Variants in LRRC63 observed in about 807,000 individuals in gnomAD.
LRRC63 encodes leucine rich repeat containing 63.
Under a neutral mutation model 49.5 loss-of-function variants are expected in LRRC63, and 40 were observed. The ratio of observed to expected loss-of-function variants is 0.81; its 90% CI spans 0.63 to 1.05. LRRC63 has a LOEUF of 1.05. Among genes scored for constraint, LRRC63 ranks in the 50% least tolerant of loss-of-function variants. The pLI, the probability that LRRC63 is intolerant of heterozygous loss-of-function variation, is 0.00. For missense variants in LRRC63, 636 were observed against 663.1 expected (o/e 0.96, Z 0.45); for synonymous variants, 191 against 221.1 (o/e 0.86, Z 1.21).
chr13:46,228,197 C>T lies in LRRC63; in HGVS notation c.763+8C>T. The T allele has an allele frequency of 9.8e-6, 15 of 1,523,592 alleles. No individual in the cohort carries two copies. The highest frequency in any genetic ancestry group is 1.3e-5 in the Non-Finnish European group (15 of 1,130,728). The allele number at this position is 1,523,592 out of a possible 1,614,324, so 94.4% of individuals were successfully genotyped here. The stretch of plus-strand genomic sequence containing the variant: ...ACAGGCAGTCTGTGATAGGTAAATA[C>T]AATCTGAACACGGTATAATTATAGA... On this transcript the variant is annotated splice_region_variant and intron_variant, in intron 3 of 9. Transcript: ENST00000595396.
At chr13:46,270,140 C>A (rs1203790305) in intron 9 of LRRC63, 2 of 705,582 alleles carry the variant, frequency 2.8e-6, no homozygotes, top group African/African-American at 1.7e-5. Flanking sequence ...ATACTTCACT[C>A]GCTGGTACAA....
chr13:46,243,367 A>G (rs2047118928), intron 5 of LRRC63, among the ~76,000 whole-genome samples: 2 of 152,342 alleles, frequency 1.3e-5, no homozygotes, highest in Admixed American at 6.5e-5. Flanking sequence ...AAAGGTAGTA[A>G]GAGAGGTAAA....
intron 2 of LRRC63, among the ~76,000 whole-genome samples, chr13:46,223,897 C>T (rs1432917439): frequency 6.6e-6 from 1 of 151,984 alleles, no homozygotes; most frequent in Non-Finnish European, 1.5e-5. Context: ...ACAAAAAAAA[C>T]CCACAGAAAT....
At chr13:46,238,213 T>A (rs1227166800) in intron 5 of LRRC63, among the ~76,000 whole-genome samples, 1 of 152,136 alleles carries the variant, frequency 6.6e-6, no homozygotes, top group Non-Finnish European at 1.5e-5. Context: ...GTGGGAGACA[T>A]CAACACTCCA....
intron 5 of LRRC63, among the ~76,000 whole-genome samples, chr13:46,241,042 A>C (rs1230260606): frequency 6.6e-6 from 1 of 152,224 alleles, no homozygotes; most frequent in Non-Finnish European, 1.5e-5. Context: ...GCCTAAGCAA[A>C]AAGAGAAAAG....
chr13:46,230,560 CA>C (rs2046720312), intron 4 of LRRC63, among the ~76,000 whole-genome samples: 2 of 151,920 alleles, frequency 1.3e-5, no homozygotes, highest in Admixed American at 6.6e-5. Context: ...TCCAAGAGCC[CA>C]AAAGCCGAAG....
At chr13:46,272,844 A>G (rs900792023) in intron 9 of LRRC63, among the ~76,000 whole-genome samples, 1 of 152,370 alleles carries the variant, frequency 6.6e-6, no homozygotes, top group South Asian at 2.1e-4. Flanking sequence ...TCCCACAGAC[A>G]CATACATACA....
At chr13:46,228,442 G>A (rs907010165) in intron 3 of LRRC63, among the ~76,000 whole-genome samples, 5 of 152,114 alleles carry the variant, frequency 3.3e-5, no homozygotes, top group Non-Finnish European at 7.4e-5. Context: ...TCAAAGGATC[G>A]GAAAAGCTAA....
At chr13:46,257,138 G>A (rs74069561) in intron 7 of LRRC63, among the ~76,000 whole-genome samples, 11,705 of 152,148 alleles carry the variant, frequency 0.077, 1,492 homozygotes, top group African/African-American at 0.27. Context: ...TTTTGAAGAT[G>A]GAGGAAGGGA....
chr13:46,237,947 C>T (rs2046950048), intron 5 of LRRC63, among the ~76,000 whole-genome samples: 1 of 151,866 alleles, frequency 6.6e-6, no homozygotes, highest in Non-Finnish European at 1.5e-5. Flanking sequence ...AAATCAGTAA[C>T]AAAAAACTTC....
intron 5 of LRRC63, among the ~76,000 whole-genome samples, chr13:46,238,312 T>C (rs971964085): frequency 6.6e-6 from 1 of 152,184 alleles, no homozygotes; most frequent in Non-Finnish European, 1.5e-5. Flanking sequence ...TACAGAACTC[T>C]ACCCCTAAAA....
intron 9 of LRRC63, among the ~76,000 whole-genome samples, chr13:46,272,971 C>G (rs868335420): frequency 3.3e-5 from 5 of 151,966 alleles, no homozygotes; most frequent in African/African-American, 1.2e-4. Flanking sequence ...GAGAGGAGTT[C>G]CAGTGATTGA....
At chr13:46,228,714 C>G (rs1293735351) in exon 4 of LRRC63, 2 of 1,542,650 alleles carry the variant, frequency 1.3e-6, no homozygotes, top group Admixed American at 2.0e-5. Context: ...CAAAGCAAAT[C>G]CCACCAAGAC....
intron 4 of LRRC63, 85 bp downstream of exon 4, chr13:46,228,818 T>C (rs1232828043): frequency 2.2e-6 from 2 of 929,486 alleles, no homozygotes; most frequent in Non-Finnish European, 3.3e-6. Flanking sequence ...TTTGTGTTTA[T>C]GTGTGTGATT....
At chr13:46,270,568 A>G (rs191062287) in intron 9 of LRRC63, 1 of 871,334 alleles carries the variant, frequency 1.1e-6, no homozygotes, top group Non-Finnish European at 2.0e-6. Flanking sequence ...TGACACAAAA[A>G]CGGTATGAAG....
intron 5 of LRRC63, among the ~76,000 whole-genome samples, chr13:46,239,382 C>A (rs2046991558): frequency 6.6e-6 from 1 of 151,938 alleles, no homozygotes; most frequent in African/African-American, 2.4e-5. Flanking sequence ...AAGTAGAAAA[C>A]CTAGAAGAGA....
At chr13:46,266,654 T>G (rs1718302192) in intron 8 of LRRC63, 79 bp from the exon 9 acceptor site, 1 of 1,239,858 alleles carries the variant, frequency 8.1e-7, no homozygotes, top group Non-Finnish European at 1.1e-6. Context: ...CCAATTTTCA[T>G]GAACAATTGA....
At chr13:46,267,352 A>C (rs1440032798) in intron 9 of LRRC63, among the ~76,000 whole-genome samples, 12 of 152,226 alleles carry the variant, frequency 7.9e-5, no homozygotes, top group South Asian at 6.2e-4. Context: ...GGAGACCAGG[A>C]ATGGAGCAGG....
At chr13:46,220,431 C>T (rs961972193) in intron 2 of LRRC63, among the ~76,000 whole-genome samples, 24 of 152,268 alleles carry the variant, frequency 1.6e-4, no homozygotes, top group Admixed American at 4.6e-4. Flanking sequence ...CTACTTAAGC[C>T]TCAGTGATGG....
Sources: allele counts gnomAD v4.1 joint callset (sites outside exome capture counted in the v4.1 genomes callset), GRCh38; gene constraint gnomAD v4.1.1; transcripts MANE v1.5; gene names NCBI Gene and HGNC (gene_info 2026-07-23, HGNC 2026-07-21).